PYY: variants seen among roughly 807,000 people sequenced by gnomAD.
The protein encoded by PYY is peptide YY.
A neutral mutation model predicts 10.3 loss-of-function variants in PYY; 12 were observed. The observed-to-expected ratio is 1.17, with a 90% CI of 0.75 to 1.89. PYY has a LOEUF of 1.89. Among genes scored for constraint, PYY ranks in the 40% most tolerant of loss-of-function variants. The pLI is 0.00. For missense variants in PYY, 141 were observed against 134.0 expected, an observed-to-expected ratio of 1.05 and a Z score of -0.26; for synonymous variants, 66 against 62.0, an observed-to-expected ratio of 1.06 and a Z score of -0.30.
chr17:43,971,902 T>C (rs2048796452), intron 1 of PYY, among the ~76,000 whole-genome samples: 1 of 152,066 alleles, frequency 6.6e-6, no homozygotes, highest in Non-Finnish European at 1.5e-5. Context: ...TGACTCATTC[T>C]TTTGGGTGTC....
intron 2 of PYY, among the ~76,000 whole-genome samples, chr17:43,965,789 C>CAAAAAAAAAAAAAAA (rs67609128): frequency 9.4e-5 from 3 of 31,924 alleles, no homozygotes; most frequent in African/African-American, 2.3e-4. Context: ...ATCCATCTCA[C>CAAAAAAAAAAAAAAA]AAAAAAAAAA....
intron 1 of PYY, among the ~76,000 whole-genome samples, chr17:43,975,475 A>G (rs2048822253): frequency 6.6e-6 from 1 of 152,052 alleles, no homozygotes; most frequent in South Asian, 2.1e-4. Context: ...TGAGAGGCCA[A>G]GTTGGGCGGA....
chr17:43,972,269 A>C (rs922705768), intron 1 of PYY, among the ~76,000 whole-genome samples: 1 of 151,292 alleles, frequency 6.6e-6, no homozygotes, highest in East Asian at 1.9e-4. Context: ...GCTGGAGTGC[A>C]GTGGCGTGAT....
chr17:43,986,003 T>C (rs1597855565), intron 1 of PYY, among the ~76,000 whole-genome samples: 3 of 152,170 alleles, frequency 2.0e-5, no homozygotes, highest in Admixed American at 2.0e-4. Context: ...ACGCCTGTAA[T>C]CCCAGCACTT....
In PYY at chr17:43,992,390, G is replaced by A. The variant is rs139223069; in HGVS notation, c.-463+12001C>T. Reference sequence around the variant, plus strand: ...AAGGTCAGGAGCTCGAGACCAGCTTGGCCAACACGGTGAAACCCCGTCTCT... The same window carrying A: ...AAGGTCAGGAGCTCGAGACCAGCTTAGCCAACACGGTGAAACCCCGTCTCT... On this transcript the variant is annotated intron_variant, in intron 1 of 6. Transcript: ENST00000360085. Among the ~76,000 whole-genome samples, 858 of 152,028 alleles carry A rather than the reference G, an allele frequency of 5.6e-3. 9 individuals are homozygous for A. Among genetic ancestry groups the A allele is most frequent in the African/African-American group, 0.02 (836 of 41,462 alleles).
chr17:43,984,495 A>G (rs1331516571), intron 1 of PYY, among the ~76,000 whole-genome samples: 1 of 152,184 alleles, frequency 6.6e-6, no homozygotes, highest in Non-Finnish European at 1.5e-5. Context: ...TTTCCCAACT[A>G]TTCCGTGAGG....
rs1045170944 is a variant in PYY at position 43,989,054 on chromosome 17, A to G, written c.-463+15337T>C. ...TGAGATTACAAGTGTGAGCCACCGC[A>G]CCCGGCCCTAGCATTTTAATTGTAA... On this transcript the variant is annotated intron_variant, in intron 1 of 6. Transcript: ENST00000360085. Among the ~76,000 whole-genome samples the G allele has an allele frequency of 6.3e-5, 5 of 78,954 alleles. No individual in the cohort carries two copies. In the South Asian group the frequency reaches 1.8e-3, roughly 29 times the overall value. The allele number at this position is 78,954 out of a possible 152,430, so 51.8% of individuals were successfully genotyped here.
chr17:43,992,206 G>T (rs2048962205), intron 1 of PYY, among the ~76,000 whole-genome samples: 1 of 151,824 alleles, frequency 6.6e-6, no homozygotes, highest in Non-Finnish European at 1.5e-5. Context: ...ACAATATAAG[G>T]GAACGTTTTA....
chr17:43,986,558 C>T (rs189009672), intron 1 of PYY, among the ~76,000 whole-genome samples: 3 of 152,314 alleles, frequency 2.0e-5, no homozygotes, highest in East Asian at 3.9e-4. Context: ...GCTCTACAGC[C>T]CACTGATTTT....
At position 43,960,550 on chromosome 17, in the gene PYY, A is replaced by AAC. The variant is rs1418908490; in HGVS notation, c.-217-2523_-217-2522insGT. Among the ~76,000 whole-genome samples, 11 of 148,112 alleles carry AAC rather than the reference A, an allele frequency of 7.4e-5. No individual in the cohort carries two copies. In the South Asian group the frequency reaches 2.2e-3, roughly 29 times the overall value. The stretch of plus-strand genomic sequence containing the variant: ...TTTGTCTCAAAAAAAAAAAAAAAAA[A>AAC]AAAAACAATATTCATTAGGCCAGAC... On this transcript the variant is annotated intron_variant, in intron 2 of 6. Transcript: ENST00000360085.
At chr17:43,996,182 G>T (rs1286923504) in intron 1 of PYY, among the ~76,000 whole-genome samples, 2 of 152,134 alleles carry the variant, frequency 1.3e-5, no homozygotes, top group Non-Finnish European at 2.9e-5. Context: ...AGGTGGGCTT[G>T]AAGCCTCCAG....
At chr17:43,981,650 C>A (rs1281123184) in intron 1 of PYY, among the ~76,000 whole-genome samples, 1 of 152,024 alleles carries the variant, frequency 6.6e-6, no homozygotes, top group Non-Finnish European at 1.5e-5. Flanking sequence ...CCACCATGCC[C>A]AGCTAATTTT....
At position 43,953,403 on chromosome 17, in the gene PYY, G is replaced by A. The variant is rs771284438; in HGVS notation, c.81C>T (p.Asp27=). 4 of 1,612,774 alleles carry A rather than the reference G, an allele frequency of 2.5e-6. No homozygotes were observed. The highest frequency in any genetic ancestry group is 1.3e-5 in the African/African-American group (1 of 74,922). Reference sequence around the variant, plus strand: ...GAGCCTCGGGTTTGATGGGGTAGGCGTCGACCAGCGCCCCTAGGCAGACGA... The same window carrying A: ...GAGCCTCGGGTTTGATGGGGTAGGCATCGACCAGCGCCCCTAGGCAGACGA... ...ALLVCLGALV[D]AYPIKPEAPR... Residue 27 remains aspartate, a synonymous_variant, in exon 2 of 4, where the codon GAC becomes GAT. Coordinates refer to ENST00000692052, the MANE Select transcript of PYY (RefSeq NM_001394028.1).
intron 1 of PYY, among the ~76,000 whole-genome samples, chr17:43,978,242 A>T (rs1214552288): frequency 6.6e-6 from 1 of 150,898 alleles, no homozygotes; most frequent in East Asian, 1.9e-4. Context: ...AGAAGAAAGG[A>T]AAGAAGGAAA....
intron 1 of PYY, among the ~76,000 whole-genome samples, chr17:43,967,734 G>A (rs1014599509): frequency 6.6e-6 from 1 of 152,160 alleles, no homozygotes; most frequent in African/African-American, 2.4e-5. Context: ...GCAGCTCTCT[G>A]AAGAGTGTGA....
chr17:43,955,896 G>A (rs1239251138), upstream of PYY, among the ~76,000 whole-genome samples: 2 of 152,056 alleles, frequency 1.3e-5, no homozygotes, highest in East Asian at 1.9e-4. Context: ...CCTAGAGAAG[G>A]ACCCTGCAGG....
chr17:43,992,528 A>G (rs529280282), intron 1 of PYY, among the ~76,000 whole-genome samples: 1 of 152,012 alleles, frequency 6.6e-6, no homozygotes, highest in South Asian at 2.1e-4. Context: ...CTCAGCATGG[A>G]GAAACCCCGT....
intron 1 of PYY, among the ~76,000 whole-genome samples, chr17:43,976,196 CATATATACATATACGT>C (rs1567932037): frequency 7.6e-6 from 1 of 130,818 alleles, no homozygotes; most frequent in Admixed American, 7.4e-5. Flanking sequence ...TATATGTATA[CATATATACATATACGT>C]ATATGTATAC....
intron 1 of PYY, among the ~76,000 whole-genome samples, chr17:43,978,747 G>A (rs1309318401): frequency 6.6e-6 from 1 of 152,128 alleles, no homozygotes; most frequent in East Asian, 1.9e-4. Flanking sequence ...TGTAATCTTT[G>A]CACCAACACT....
Sources: gnomAD v4.1 joint callset for allele counts (sites outside exome capture counted in the v4.1 genomes callset) on GRCh38, gnomAD v4.1.1 for gene constraint, MANE v1.5 for transcripts, NCBI Gene and HGNC (gene_info 2026-07-23, HGNC 2026-07-21) for gene names.